The following LARS1 variants were observed in gnomAD, a reference collection of about 807,000 sequenced individuals.
LARS1 encodes leucine--tRNA ligase, cytoplasmic.
Under a neutral mutation model 162.8 loss-of-function variants are expected in LARS1, and 100 were observed. The observed-to-expected ratio is 0.61, with a 90% CI of 0.52 to 0.73. LARS1 has a LOEUF of 0.73. Ranked by LOEUF, LARS1 falls within the 30% of genes least tolerant of loss-of-function variation. The pLI, the probability that LARS1 is intolerant of heterozygous loss-of-function variation, is 0.00. For synonymous variants in LARS1, 457 were observed against 462.8 expected, an observed-to-expected ratio of 0.99 and a Z score of 0.16; for missense variants, 1,258 against 1,408.9, an observed-to-expected ratio of 0.89 and a Z score of 1.71.
Position 146,151,919 on chromosome 5 carries a change from G to A in LARS1, c.1368C>T (p.Asp456=). The stretch of plus-strand genomic sequence containing the variant: ...CCTTTGCTTCTGCAAGTTTTTCCCG[G>A]TCATTCTGGCTCTGAATTTTCAACT... ...CDELKIQSQN[D]REKLAEAKEK... Residue 456 remains aspartate (D), a synonymous_variant, in exon 14 of 32, where the codon GAC becomes GAT. Transcript: ENST00000394434. 1 of 1,613,948 alleles carries A rather than the reference G, an allele frequency of 6.2e-7. No individual in the cohort carries two copies. Among genetic ancestry groups the A allele is most frequent in the South Asian group, 1.1e-5 (1 of 91,076 alleles).
At position 146,129,704 on chromosome 5, in the gene LARS1, TTACACAAATA is replaced by T. The variant is rs72226576; in HGVS notation, c.2628+304_2628+313del. ...GAAGTTTTATATAAAACAAGAATAC[TTACACAAATA>T]TACACAAATATACACCTATATCTTT... On this transcript the variant is annotated intron_variant, in intron 25 of 31. Transcript: ENST00000394434. 0.22 allele frequency among the ~76,000 whole-genome samples: 33,682 copies of T among 151,964 alleles called. 4,740 individuals are homozygous for T. Among genetic ancestry groups the T allele is most frequent in the Admixed American group, 0.33 (5,073 of 15,224 alleles).
chr5:146,139,045 A>G, intron 21 of LARS1: 1 of 316,884 alleles, frequency 3.2e-6, no homozygotes, highest in South Asian at 2.7e-5. Context: ...TTTGTGAAAA[A>G]AAAAAAAAAA....
intron 27 of LARS1, among the ~76,000 whole-genome samples, chr5:146,127,569 T>G (rs1752097785): frequency 6.6e-6 from 1 of 152,044 alleles, no homozygotes; most frequent in Non-Finnish European, 1.5e-5. Context: ...CCTAAGACAT[T>G]ACATATTATA....
At chr5:146,133,839 CTA>C (rs1004917214) in intron 22 of LARS1, among the ~76,000 whole-genome samples, 1 of 151,942 alleles carries the variant, frequency 6.6e-6, no homozygotes, top group African/African-American at 2.4e-5. Context: ...ATACACATAT[CTA>C]TGTTTTTTGT....
At chr5:146,127,966 GTCTC>G (rs1752113205) in intron 27 of LARS1, among the ~76,000 whole-genome samples, 1 of 151,992 alleles carries the variant, frequency 6.6e-6, no homozygotes, top group African/African-American at 2.4e-5. Flanking sequence ...TCCGTATTTT[GTCTC>G]TCTTTTTAAA....
In LARS1 at chr5:146,157,809, C is replaced by A. The variant is rs780385847; in HGVS notation, c.772-14G>T. On this transcript the variant is annotated splice_polypyrimidine_tract_variant and intron_variant, in intron 8 of 31. Coordinates refer to ENST00000394434, the MANE Select transcript of LARS1 (RefSeq NM_020117.11). Reference sequence around the variant, plus strand: ...AGGTCCAACACCCTAAGCAAATAAACGATACAAAAATTTGAAGGAAAAAAA... The same window carrying A: ...AGGTCCAACACCCTAAGCAAATAAAAGATACAAAAATTTGAAGGAAAAAAA... 6.2e-7 allele frequency: 1 copy of A among 1,612,416 alleles called. No homozygotes were observed. Among genetic ancestry groups the A allele is most frequent in the Admixed American group, 1.7e-5 (1 of 59,898 alleles).
chr5:146,134,071 C>T (rs1004520233), intron 22 of LARS1, among the ~76,000 whole-genome samples: 4 of 152,234 alleles, frequency 2.6e-5, no homozygotes, highest in Middle Eastern at 3.4e-3. Flanking sequence ...CTGAAACTCC[C>T]GATCTCAGGT....
chr5:146,132,888 T>C lies in LARS1; in HGVS notation c.2396+10A>G. 6.2e-7 allele frequency: 1 copy of C among 1,610,636 alleles called. No homozygotes were observed. Among genetic ancestry groups the C allele is most frequent in the Non-Finnish European group, 8.5e-7 (1 of 1,177,736 alleles). On this transcript the variant is annotated intron_variant, in intron 23 of 31. Coordinates refer to ENST00000394434, the MANE Select transcript of LARS1 (RefSeq NM_020117.11). ...TCTAAAACACAAAATGATTGGGATC[T>C]ACAGATTACCTGGCAAAAACTCTAT...
At chr5:146,134,154 A>G (rs936075835) in intron 22 of LARS1, among the ~76,000 whole-genome samples, 2 of 152,078 alleles carry the variant, frequency 1.3e-5, no homozygotes, top group Admixed American at 6.6e-5. Context: ...GTTTAGTTTT[A>G]TATCTACATA....
At position 146,114,255 on chromosome 5, in the gene LARS1, C is replaced by T. The variant is rs758374409; in HGVS notation, c.3382G>A (p.Val1128Ile). ...GTGTACTCCTTTCCCAGGACAGGAACTCGTCGAGGCCCCAACAGTGGATCA... is the reference window on the plus strand; with the variant it reads ...GTGTACTCCTTTCCCAGGACAGGAATTCGTCGAGGCCCCAACAGTGGATCA... ...FDDPLLGPRRVPVLGKEYTEK... is the reference protein window; with the variant it reads ...FDDPLLGPRRIPVLGKEYTEK... Residue 1128 changes from valine to isoleucine, a missense_variant, in exon 32 of 32, where the codon GTT becomes ATT. Val to Ile is a conservative substitution (Grantham distance 29). Coordinates refer to ENST00000394434, the MANE Select transcript of LARS1 (RefSeq NM_020117.11). 6.2e-7 allele frequency: 1 copy of T among 1,613,892 alleles called. No homozygotes were observed. The highest frequency in any genetic ancestry group is 8.5e-7 in the Non-Finnish European group (1 of 1,179,986).
chr5:146,180,945 T>G (rs1374134070), intron 1 of LARS1: 1 of 152,238 alleles, frequency 6.6e-6, no homozygotes, highest in South Asian at 2.1e-4. Flanking sequence ...TCCCTGCTTT[T>G]CACTTACACT....
At chr5:146,144,024 T>C (rs1752905790) in intron 18 of LARS1, among the ~76,000 whole-genome samples, 1 of 151,762 alleles carries the variant, frequency 6.6e-6, no homozygotes, top group Admixed American at 6.6e-5. Context: ...AAAAGACAAA[T>C]GGTTGAAGCT....
chr5:146,157,118 T>C (rs1395345608), intron 10 of LARS1, among the ~76,000 whole-genome samples: 2 of 152,224 alleles, frequency 1.3e-5, no homozygotes, highest in Non-Finnish European at 2.9e-5. Context: ...AACTAATCTT[T>C]GGTGAAGTCA....
chr5:146,147,220 C>T (rs1228171242), intron 15 of LARS1, among the ~76,000 whole-genome samples: 2 of 152,164 alleles, frequency 1.3e-5, no homozygotes, highest in African/African-American at 4.8e-5. Context: ...TATCAACGGT[C>T]TTCCTCAGAG....
chr5:146,137,257 T>C (rs1241541565), intron 21 of LARS1, among the ~76,000 whole-genome samples: 1 of 152,270 alleles, frequency 6.6e-6, no homozygotes, highest in East Asian at 1.9e-4. Flanking sequence ...CAGTCATTGC[T>C]ATTCTGTTGG....
At chr5:146,133,104 A>C in intron 22 of LARS1, 23 bp from the exon 23 acceptor site, 1 of 1,608,490 alleles carries the variant, frequency 6.2e-7, no homozygotes, top group African/African-American at 1.3e-5. Context: ...AAAAAAATTC[A>C]ATGCATTAAA....
intron 2 of LARS1, among the ~76,000 whole-genome samples, chr5:146,174,144 TAA>T (rs66479730): frequency 0.16 from 13,939 of 88,782 alleles, 1,194 homozygotes; most frequent in Non-Finnish European, 0.21. Context: ...CTTTTTCTCT[TAA>T]AAAAAAAAAA....
intron 25 of LARS1, among the ~76,000 whole-genome samples, chr5:146,129,728 A>C (rs1303642262): frequency 6.7e-6 from 1 of 149,712 alleles, no homozygotes; most frequent in Non-Finnish European, 1.5e-5. Context: ...ACAAATATAC[A>C]CCTATATCTT....
intron 31 of LARS1, among the ~76,000 whole-genome samples, chr5:146,115,450 C>T (rs569303396): frequency 8.6e-5 from 13 of 151,864 alleles, no homozygotes; most frequent in South Asian, 4.2e-4. Flanking sequence ...ACAAGGAGAG[C>T]GGGGACAAGG....
Sources: allele counts gnomAD v4.1 joint callset (sites outside exome capture counted in the v4.1 genomes callset), GRCh38; gene constraint gnomAD v4.1.1; transcripts MANE v1.5; gene names NCBI Gene and HGNC (gene_info 2026-07-23, HGNC 2026-07-21).